The following CNTN4 variants were observed in gnomAD, a reference collection of about 807,000 sequenced individuals.
The protein encoded by CNTN4 is contactin-4.
A neutral mutation model predicts 122.5 loss-of-function variants in CNTN4; 77 were observed. The observed-to-expected ratio is 0.63, with a 90% CI of 0.52 to 0.76. The LOEUF (loss-of-function observed/expected upper bound fraction) is 0.76, where lower values mean the gene tolerates loss of function less well. CNTN4 is among the 30% of genes least tolerant of loss of function. The pLI, the probability that CNTN4 is intolerant of heterozygous loss-of-function variation, is 0.00. For synonymous variants in CNTN4, 512 were observed against 447.0 expected, an observed-to-expected ratio of 1.15 and a Z score of -1.83; for missense variants, 1,256 against 1,259.1, an observed-to-expected ratio of 1.00 and a Z score of 0.04.
intron 13 of CNTN4, among the ~76,000 whole-genome samples, chr3:2,940,020 T>C (rs2094599406): frequency 6.6e-6 from 1 of 152,236 alleles, no homozygotes; most frequent in Admixed American, 6.5e-5. Context: ...GCTGTGGGCA[T>C]ATGCAGCTCA....
chr3:2,270,151 T>C (rs1289694864), intron 2 of CNTN4, among the ~76,000 whole-genome samples: 1 of 53,638 alleles, frequency 1.9e-5, no homozygotes, highest in Non-Finnish European at 4.6e-5. Flanking sequence ...GGGTTTCACC[T>C]TGTTAGCCAG....
rs537133718 is a variant in CNTN4, at chr3:2,343,728, C to G, written c.-89+4495C>G. ...CAAAATGCCAAGAACCTGGACAACT[C>G]ATAGTCAAGACCCTCCACTGGCAAC... is the stretch of plus-strand genomic sequence containing the variant. On this transcript the variant is annotated intron_variant, in intron 3 of 24. Coordinates refer to ENST00000418658, the MANE Select transcript of CNTN4 (RefSeq NM_175607.3). Among the ~76,000 whole-genome samples the G allele has an allele frequency of 1.4e-4, 21 of 152,320 alleles. No individual in the cohort carries two copies. In the South Asian group the frequency reaches 4.1e-3, roughly 30 times the overall value.
intron 2 of CNTN4, among the ~76,000 whole-genome samples, chr3:2,227,732 G>A (rs1153523): frequency 0.07 from 10,613 of 152,154 alleles, 393 homozygotes; most frequent in African/African-American, 0.079. Context: ...GAAATATGGT[G>A]TTTGCACCTC....
At chr3:2,119,376 T>G (rs1025633060) in intron 2 of CNTN4, among the ~76,000 whole-genome samples, 1 of 152,342 alleles carries the variant, frequency 6.6e-6, no homozygotes, top group African/African-American at 2.4e-5. Flanking sequence ...CCAATATTCC[T>G]TATTCTCCCT....
rs1294889896 is a variant in CNTN4, at chr3:3,057,383, A to G, written c.*1163A>G. The G allele has an allele frequency of 1.3e-5, 2 of 152,648 alleles. No individual in the cohort carries two copies. The highest frequency in any genetic ancestry group is 1.3e-4 in the Admixed American group (2 of 15,282). The allele number at this position is 152,648 out of a possible 1,614,324, so 9.5% of individuals were successfully genotyped here. A position where few individuals can be genotyped will look rare whatever the true frequency, so the allele number is the denominator to read the frequency against. Reference sequence around the variant, plus strand: ...GATTCTGTTTTGCAATAGGTAGCCTAGTTGCTTTATATGCTTTACCTTCTA... The same window carrying G: ...GATTCTGTTTTGCAATAGGTAGCCTGGTTGCTTTATATGCTTTACCTTCTA... On this transcript the variant is annotated 3_prime_UTR_variant, in exon 25 of 25. Coordinates refer to ENST00000418658, the MANE Select transcript of CNTN4 (RefSeq NM_175607.3).
At chr3:2,952,840 G>A (rs2094760194) in intron 13 of CNTN4, among the ~76,000 whole-genome samples, 1 of 152,188 alleles carries the variant, frequency 6.6e-6, no homozygotes, top group Non-Finnish European at 1.5e-5. Flanking sequence ...CCAAGCAGCT[G>A]TATTTTGGGC....
intron 2 of CNTN4, among the ~76,000 whole-genome samples, chr3:2,133,485 C>T (rs1405292271): frequency 6.6e-6 from 1 of 152,126 alleles, no homozygotes; most frequent in Non-Finnish European, 1.5e-5. Context: ...TTGCACATTC[C>T]AATGTCAATC....
intron 20 of CNTN4, among the ~76,000 whole-genome samples, chr3:3,040,636 T>A (rs1054097749): frequency 1.3e-5 from 2 of 152,228 alleles, no homozygotes; most frequent in Non-Finnish European, 2.9e-5. Flanking sequence ...ACTTGTATTT[T>A]CATAAAGCAT....
intron 13 of CNTN4, among the ~76,000 whole-genome samples, chr3:2,981,430 C>T (rs541172224): frequency 9.9e-5 from 15 of 152,002 alleles, no homozygotes; most frequent in Non-Finnish European, 1.2e-4. Flanking sequence ...GGCGACAGAG[C>T]GAGACTCCGT....
At position 3,038,923 on chromosome 3, in the gene CNTN4, C is replaced by G; in HGVS notation, c.2093-10C>G. On this transcript the variant is annotated splice_polypyrimidine_tract_variant and intron_variant, in intron 18 of 24. Transcript: ENST00000418658. Reference sequence around the variant, plus strand: ...GCCTGACATAACTTGTTTTTTGTCTCCTTGTGCAGTCCCCGAAGTCACACC... The same window carrying G: ...GCCTGACATAACTTGTTTTTTGTCTGCTTGTGCAGTCCCCGAAGTCACACC... 1 of 1,613,870 alleles carries G rather than the reference C, an allele frequency of 6.2e-7. No homozygotes were observed. The highest frequency in any genetic ancestry group is 8.5e-7 in the Non-Finnish European group (1 of 1,179,810).
intron 3 of CNTN4, among the ~76,000 whole-genome samples, chr3:2,473,802 C>T (rs956313999): frequency 6.6e-6 from 1 of 152,102 alleles, no homozygotes; most frequent in Admixed American, 6.6e-5. Context: ...CACTTGAGGT[C>T]TGGAGTTCCA....
At chr3:2,597,265 G>A (rs2080814426) in intron 4 of CNTN4, among the ~76,000 whole-genome samples, 2 of 152,238 alleles carry the variant, frequency 1.3e-5, no homozygotes, top group East Asian at 1.9e-4. Flanking sequence ...ATTGAGGCCA[G>A]TACTTCGTTA....
At chr3:2,887,277 T>G in intron 10 of CNTN4, 53 bp downstream of exon 10, 3 of 1,540,976 alleles carry the variant, frequency 1.9e-6, no homozygotes, top group East Asian at 2.3e-5. Flanking sequence ...CTTCCTGATA[T>G]TGAAATCATA....
intron 3 of CNTN4, among the ~76,000 whole-genome samples, chr3:2,412,138 C>A (rs1409579464): frequency 1.3e-5 from 2 of 152,050 alleles, no homozygotes; most frequent in Admixed American, 1.3e-4. Flanking sequence ...CTTTTGTATT[C>A]CATGTATCAG....
At chr3:2,669,865 A>G (rs1346408067) in intron 4 of CNTN4, among the ~76,000 whole-genome samples, 1 of 152,182 alleles carries the variant, frequency 6.6e-6, no homozygotes, top group African/African-American at 2.4e-5. Context: ...GTAGTCATTC[A>G]GGAGCAGGTT....
intron 14 of CNTN4, chr3:3,009,107 C>A: frequency 1.2e-6 from 1 of 853,766 alleles, no homozygotes; most frequent in Non-Finnish European, 1.4e-6. Context: ...CCATGCCTTG[C>A]CCTGGCATGA....
At chr3:2,697,355 T>G (rs1259328253) in intron 4 of CNTN4, among the ~76,000 whole-genome samples, 1 of 152,226 alleles carries the variant, frequency 6.6e-6, no homozygotes, top group East Asian at 1.9e-4. Flanking sequence ...CTGTCCTATT[T>G]TCAGCAGTCC....
chr3:2,551,524 G>A (rs1421367926), intron 3 of CNTN4, among the ~76,000 whole-genome samples: 1 of 151,990 alleles, frequency 6.6e-6, no homozygotes, highest in Non-Finnish European at 1.5e-5. Flanking sequence ...GGATGGGAGT[G>A]AATGGAATGA....
At chr3:2,914,914 A>G (rs1428894351) in intron 12 of CNTN4, among the ~76,000 whole-genome samples, 2 of 152,248 alleles carry the variant, frequency 1.3e-5, no homozygotes, top group Non-Finnish European at 2.9e-5. Context: ...GTACATTAAA[A>G]GGATTATACA....
Sources: gnomAD v4.1 joint callset for allele counts (sites outside exome capture counted in the v4.1 genomes callset) on GRCh38, gnomAD v4.1.1 for gene constraint, MANE v1.5 for transcripts, NCBI Gene and HGNC (gene_info 2026-07-23, HGNC 2026-07-21) for gene names.